Variants in ADAMTSL1 observed in about 807,000 individuals in gnomAD.
ADAMTSL1 encodes the protein ADAMTS like 1, also known as ADAMTS-like protein 1.
Under a neutral mutation model 201.8 loss-of-function variants are expected in ADAMTSL1, and 126 were observed. That is an observed-to-expected ratio of 0.62 (90% CI 0.54 to 0.72). The LOEUF (loss-of-function observed/expected upper bound fraction) is 0.72, where lower values mean the gene tolerates loss of function less well. Among genes scored for constraint, ADAMTSL1 ranks in the 30% least tolerant of loss-of-function variants. The pLI, the probability that ADAMTSL1 is intolerant of heterozygous loss-of-function variation, is 0.00. For missense variants in ADAMTSL1, 2,679 were observed against 2,277.8 expected (o/e 1.18, Z -3.59); for synonymous variants, 1,121 against 903.4 (o/e 1.24, Z -4.32).
intron 4 of ADAMTSL1, among the ~76,000 whole-genome samples, chr9:18,584,195 A>G (rs1280795833): frequency 6.6e-6 from 1 of 152,114 alleles, no homozygotes; most frequent in Non-Finnish European, 1.5e-5. Context: ...GGAGGATCCC[A>G]TTGGGAGGTG....
Position 18,354,278 on chromosome 9 carries a change from G to A in ADAMTSL1, c.208-150551G>A, listed in dbSNP as rs1836112546. Reference sequence around the variant, plus strand: ...TTGATATTCTTTTAGATATTTGAAAGGTTTTGATAATATAAATAAATATTA... The same window carrying A: ...TTGATATTCTTTTAGATATTTGAAAAGTTTTGATAATATAAATAAATATTA... On this transcript the variant is annotated intron_variant, in intron 2 of 29. Coordinates refer to the ADAMTSL1 transcript ENST00000680146. Among the ~76,000 whole-genome samples, 4 of 151,670 alleles carry A rather than the reference G, an allele frequency of 2.6e-5. No homozygotes were observed. In the South Asian group the frequency reaches 6.3e-4, roughly 24 times the overall value.
chr9:18,603,893 A>C (rs1824832313), intron 4 of ADAMTSL1, among the ~76,000 whole-genome samples: 1 of 152,230 alleles, frequency 6.6e-6, no homozygotes, highest in African/African-American at 2.4e-5. Context: ...AATTGGTGCC[A>C]CAAAGAAAAG....
intron 25 of ADAMTSL1, among the ~76,000 whole-genome samples, 197 bp downstream of exon 25, chr9:18,889,945 G>A (rs73423201): frequency 0.025 from 3,836 of 152,098 alleles, 148 homozygotes; most frequent in African/African-American, 0.086. Flanking sequence ...ACCTCTCTCA[G>A]CTTTGTTTAT....
intron 3 of ADAMTSL1, among the ~76,000 whole-genome samples, chr9:18,544,260 C>A (rs961712594): frequency 6.6e-6 from 1 of 152,122 alleles, no homozygotes; most frequent in South Asian, 2.1e-4. Context: ...GACACTCTTA[C>A]AAGAAACAGG....
intron 2 of ADAMTSL1, among the ~76,000 whole-genome samples, chr9:18,443,139 C>G (rs576172271): frequency 6.6e-6 from 1 of 152,132 alleles, no homozygotes; most frequent in Non-Finnish European, 1.5e-5. Flanking sequence ...GAAAATCTGG[C>G]CTTTGATGTA....
At chr9:18,530,621 T>G (rs1408608282) in intron 2 of ADAMTSL1, among the ~76,000 whole-genome samples, 1 of 152,160 alleles carries the variant, frequency 6.6e-6, no homozygotes, top group Non-Finnish European at 1.5e-5. Flanking sequence ...TAGTTTCTTC[T>G]CCATATATCC....
intron 2 of ADAMTSL1, among the ~76,000 whole-genome samples, chr9:18,317,282 G>A (rs765177646): frequency 9.9e-5 from 15 of 152,106 alleles, no homozygotes; most frequent in Non-Finnish European, 1.6e-4. Context: ...ACAACTCTCC[G>A]TTATCAAATC....
intron 2 of ADAMTSL1, among the ~76,000 whole-genome samples, chr9:18,429,286 T>C (rs1377797568): frequency 6.6e-6 from 1 of 152,198 alleles, no homozygotes; most frequent in African/African-American, 2.4e-5. Flanking sequence ...ATAACTTTTA[T>C]AGTTTTTACC....
At chr9:18,397,355 C>A (rs1386566797) in intron 2 of ADAMTSL1, among the ~76,000 whole-genome samples, 1 of 152,026 alleles carries the variant, frequency 6.6e-6, no homozygotes, top group Non-Finnish European at 1.5e-5. Context: ...TTTAAAAGTA[C>A]TGTATTTCTT....
intron 4 of ADAMTSL1, among the ~76,000 whole-genome samples, chr9:18,586,447 C>G (rs1432126569): frequency 6.6e-6 from 1 of 151,936 alleles, no homozygotes; most frequent in Non-Finnish European, 1.5e-5. Flanking sequence ...TCAGAGATAA[C>G]ACAAACAAAT....
At chr9:18,146,701 A>G (rs1826661452) in intron 1 of ADAMTSL1, among the ~76,000 whole-genome samples, 1 of 152,142 alleles carries the variant, frequency 6.6e-6, no homozygotes, top group Non-Finnish European at 1.5e-5. Context: ...CTCAAACAAT[A>G]TTTGGTGAAC....
At chr9:18,817,024 T>C (rs1823901671) in intron 20 of ADAMTSL1, 85 bp from the exon 21 acceptor site, 1 of 1,523,516 alleles carries the variant, frequency 6.6e-7, no homozygotes. Flanking sequence ...CAGCCATGCA[T>C]TGGTGGTTAG....
At chr9:18,016,821 C>T (rs954184434) in intron 1 of ADAMTSL1, among the ~76,000 whole-genome samples, 8 of 151,918 alleles carry the variant, frequency 5.3e-5, no homozygotes, top group Admixed American at 2.6e-4. Flanking sequence ...CAGTATTCTG[C>T]GTCATGTTTA....
At chr9:18,768,277 C>T (rs1820477869) in intron 16 of ADAMTSL1, among the ~76,000 whole-genome samples, 2 of 152,176 alleles carry the variant, frequency 1.3e-5, no homozygotes, top group African/African-American at 2.4e-5. Flanking sequence ...ATTGGGTCTG[C>T]AAGCACGCAG....
chr9:18,520,958 A>G (rs974067996), intron 2 of ADAMTSL1, among the ~76,000 whole-genome samples: 4 of 152,160 alleles, frequency 2.6e-5, no homozygotes, highest in Non-Finnish European at 5.9e-5. Flanking sequence ...GAGATTTTTT[A>G]TATATGCTTT....
intron 1 of ADAMTSL1, among the ~76,000 whole-genome samples, chr9:17,964,512 G>A (rs1314508271): frequency 6.6e-6 from 1 of 152,108 alleles, no homozygotes; most frequent in Non-Finnish European, 1.5e-5. Flanking sequence ...ACTCTTCTGT[G>A]TCTCGACAGT....
chr9:18,651,854 G>A (rs1487432301), intron 7 of ADAMTSL1, among the ~76,000 whole-genome samples: 3 of 152,024 alleles, frequency 2.0e-5, no homozygotes, highest in Non-Finnish European at 4.4e-5. Flanking sequence ...ACAATACAAG[G>A]AGTCTGGAGA....
chr9:18,491,162 AG>A (rs1476434548), intron 1 of ADAMTSL1, among the ~76,000 whole-genome samples: 1 of 152,222 alleles, frequency 6.6e-6, no homozygotes, highest in African/African-American at 2.4e-5. Flanking sequence ...CAAATGGGGT[AG>A]TAAACCATGA....
At chr9:18,752,740 T>C (rs1201687852) in intron 15 of ADAMTSL1, among the ~76,000 whole-genome samples, 1 of 152,254 alleles carries the variant, frequency 6.6e-6, no homozygotes, top group Non-Finnish European at 1.5e-5. Flanking sequence ...CCTTCATTTC[T>C]GTTACATTAT....
Sources: allele counts gnomAD v4.1 joint callset (sites outside exome capture counted in the v4.1 genomes callset), GRCh38; gene constraint gnomAD v4.1.1; transcripts MANE v1.5; gene names NCBI Gene and HGNC (gene_info 2026-07-23, HGNC 2026-07-21).